The following PTPRM variants were observed in gnomAD, a reference collection of about 807,000 sequenced individuals.
The protein encoded by PTPRM is protein tyrosine phosphatase receptor type M.
A neutral mutation model predicts 186.7 loss-of-function variants in PTPRM; 47 were observed. The observed-to-expected ratio is 0.25, with a 90% CI of 0.20 to 0.32. PTPRM has a LOEUF of 0.32. Ranked by LOEUF, PTPRM falls within the 10% of genes least tolerant of loss-of-function variation. The pLI, the probability that PTPRM is intolerant of heterozygous loss-of-function variation, is 1.00. For missense variants in PTPRM, 1,494 were observed against 1,865.0 expected (o/e 0.80, Z 3.66); for synonymous variants, 668 against 674.9 (o/e 0.99, Z 0.16).
At chr18:7,796,020 G>T (rs1863467901) in intron 2 of PTPRM, among the ~76,000 whole-genome samples, 1 of 151,674 alleles carries the variant, frequency 6.6e-6, no homozygotes, top group African/African-American at 2.4e-5. Context: ...ATTTTGCCCA[G>T]GTTGGTCTCG....
chr18:7,861,218 T>C (rs2047363535), intron 2 of PTPRM, among the ~76,000 whole-genome samples: 1 of 152,194 alleles, frequency 6.6e-6, no homozygotes, highest in South Asian at 2.1e-4. Context: ...TTTCAACCTT[T>C]CTTGCCTTCC....
rs548337860 is a variant in PTPRM at position 8,335,898 on chromosome 18, T to C, written c.2957-7525T>C. ...CTAGCTGGGCGTGGTAGCGCACGCCTGTAGTCCCAGCTACTCTGGAGGTTG... is the reference window on the plus strand; with the variant it reads ...CTAGCTGGGCGTGGTAGCGCACGCCCGTAGTCCCAGCTACTCTGGAGGTTG... On this transcript the variant is annotated intron_variant, in intron 22 of 32. Coordinates refer to ENST00000580170, the MANE Select transcript of PTPRM (RefSeq NM_001105244.2). Among the ~76,000 whole-genome samples the C allele has an allele frequency of 3.9e-5, 6 of 152,282 alleles. No individual in the cohort carries two copies. In the South Asian group the frequency reaches 1.2e-3, roughly 32 times the overall value.
intron 1 of PTPRM, among the ~76,000 whole-genome samples, chr18:7,600,195 G>C (rs76770092): frequency 0.045 from 6,804 of 152,226 alleles, 196 homozygotes; most frequent in South Asian, 0.12. Context: ...CTCATGTGTA[G>C]AGCGGGGAGA....
At chr18:8,077,825 C>T (rs749300625) in intron 9 of PTPRM, among the ~76,000 whole-genome samples, 3 of 152,162 alleles carry the variant, frequency 2.0e-5, no homozygotes, top group Non-Finnish European at 2.9e-5. Flanking sequence ...TCTAGACAGA[C>T]AGAAAATATT....
At chr18:7,605,841 A>G (rs1327570938) in intron 1 of PTPRM, among the ~76,000 whole-genome samples, 1 of 152,102 alleles carries the variant, frequency 6.6e-6, no homozygotes, top group Non-Finnish European at 1.5e-5. Flanking sequence ...CTCCTCTCCT[A>G]CTTAAGCACA....
intron 7 of PTPRM, among the ~76,000 whole-genome samples, chr18:8,023,513 G>C (rs576975805): frequency 2.8e-4 from 42 of 152,198 alleles, no homozygotes; most frequent in Non-Finnish European, 5.0e-4. Context: ...TCATAACTTG[G>C]CATAAAGTGT....
At chr18:8,349,725 A>G (rs1249306263) in intron 23 of PTPRM, among the ~76,000 whole-genome samples, 2 of 152,212 alleles carry the variant, frequency 1.3e-5, no homozygotes, top group African/African-American at 4.8e-5. Context: ...CTTATCATTC[A>G]GGCTTGAAAA....
rs140970534 is a variant in PTPRM at position 7,851,046 on chromosome 18, A to G, written c.197-37060A>G. Among the ~76,000 whole-genome samples the G allele has an allele frequency of 9.8e-5, 15 of 152,354 alleles. No homozygotes were observed. The East Asian group carries it at 2.7e-3, about 27-fold the overall frequency. ...GAACTAATTCTGTTAAAAAGTGAAA[A>G]GAGATTCTAGAATGAAAATCTATGT... is the stretch of plus-strand genomic sequence containing the variant. On this transcript the variant is annotated intron_variant, in intron 2 of 32. Coordinates refer to ENST00000580170, the MANE Select transcript of PTPRM (RefSeq NM_001105244.2).
intron 11 of PTPRM, among the ~76,000 whole-genome samples, chr18:8,113,179 A>C (rs1472654982): frequency 1.3e-5 from 2 of 152,226 alleles, no homozygotes; most frequent in African/African-American, 4.8e-5. Context: ...ATGTGAGAAA[A>C]ACATTACTTC....
chr18:8,080,213 G>A (rs1261256692), intron 9 of PTPRM, among the ~76,000 whole-genome samples: 2 of 152,152 alleles, frequency 1.3e-5, no homozygotes, highest in Non-Finnish European at 2.9e-5. Context: ...TGTAAACATA[G>A]TATGCCAAAC....
In PTPRM at chr18:8,376,650, C is replaced by A. The variant is rs1249325812; in HGVS notation, c.3462+53C>A. On this transcript the variant is annotated intron_variant, in intron 26 of 32. Coordinates refer to ENST00000580170, the MANE Select transcript of PTPRM (RefSeq NM_001105244.2). ...GCCTTGGTCCCTGGGCTCCCTCCTG[C>A]ATCTCCCCATTTCAGGGCCAAGGGC... The A allele has an allele frequency of 2.6e-6, 4 of 1,560,232 alleles. No individual in the cohort carries two copies. The Admixed American group carries it at 7.1e-5, about 28-fold the overall frequency.
intron 10 of PTPRM, 64 bp downstream of exon 10, chr18:8,085,936 A>G: frequency 6.7e-7 from 1 of 1,484,668 alleles, no homozygotes; most frequent in Non-Finnish European, 9.4e-7. Flanking sequence ...TTTCATTCCC[A>G]TTGTCAAGTA....
intron 1 of PTPRM, among the ~76,000 whole-genome samples, chr18:7,734,991 C>G (rs1364008437): frequency 6.6e-6 from 1 of 152,150 alleles, no homozygotes; most frequent in Non-Finnish European, 1.5e-5. Context: ...AATGGATCCC[C>G]CTTATGGCCG....
At chr18:8,385,392 C>T (rs940410223) in intron 30 of PTPRM, among the ~76,000 whole-genome samples, 1 of 152,132 alleles carries the variant, frequency 6.6e-6, no homozygotes. Context: ...AAAAGAAGTA[C>T]TGGGGTTAGA....
At chr18:7,744,222 G>A (rs920422852) in intron 1 of PTPRM, among the ~76,000 whole-genome samples, 3 of 152,154 alleles carry the variant, frequency 2.0e-5, no homozygotes, top group African/African-American at 2.4e-5. Context: ...AGAATGATTA[G>A]TGTGTTTGTT....
At chr18:7,734,005 C>T (rs1330823968) in intron 1 of PTPRM, among the ~76,000 whole-genome samples, 1 of 152,204 alleles carries the variant, frequency 6.6e-6, no homozygotes, top group African/African-American at 2.4e-5. Flanking sequence ...ACCTTACCTA[C>T]CATAGAGATG....
chr18:7,840,692 G>A (rs1016831471), intron 2 of PTPRM, among the ~76,000 whole-genome samples: 1 of 152,210 alleles, frequency 6.6e-6, no homozygotes, highest in Non-Finnish European at 1.5e-5. Flanking sequence ...CCTCTGTGAT[G>A]TTGTGTTTTG....
At chr18:7,702,596 C>A (rs1249103636) in intron 1 of PTPRM, among the ~76,000 whole-genome samples, 2 of 152,098 alleles carry the variant, frequency 1.3e-5, no homozygotes, top group Non-Finnish European at 2.9e-5. Flanking sequence ...GATATTAGCC[C>A]TTTGTCAGAT....
chr18:7,614,829 G>C (rs1168346459), intron 1 of PTPRM, among the ~76,000 whole-genome samples: 2 of 151,942 alleles, frequency 1.3e-5, no homozygotes, highest in South Asian at 4.2e-4. Flanking sequence ...GGCTTAAAGA[G>C]TTGTTTTTGA....
Sources: gnomAD v4.1 joint callset for allele counts (sites outside exome capture counted in the v4.1 genomes callset) on GRCh38, gnomAD v4.1.1 for gene constraint, MANE v1.5 for transcripts, NCBI Gene and HGNC (gene_info 2026-07-23, HGNC 2026-07-21) for gene names.